Variants in TRMT6 observed in about 807,000 individuals in gnomAD.
TRMT6 encodes the protein tRNA (adenine(58)-N(1))-methyltransferase non-catalytic subunit TRM6.
TRMT6 carries 34 observed loss-of-function variants against 59.0 expected under a neutral mutation model. The ratio of observed to expected loss-of-function variants is 0.58; its 90% confidence interval spans 0.44 to 0.77. The LOEUF (loss-of-function observed/expected upper bound fraction) is 0.77, where lower values mean the gene tolerates loss of function less well. Among genes scored for constraint, TRMT6 ranks in the 30% least tolerant of loss-of-function variants. The pLI, the probability that TRMT6 is intolerant of heterozygous loss-of-function variation, is 0.00. For synonymous variants in TRMT6, 217 were observed against 210.5 expected, an observed-to-expected ratio of 1.03 and a Z score of -0.27; for missense variants, 575 against 604.5, an observed-to-expected ratio of 0.95 and a Z score of 0.51.
chr20:5,945,491 C>T (rs1042190937), intron 2 of TRMT6, among the ~76,000 whole-genome samples: 79 of 152,228 alleles, frequency 5.2e-4, no homozygotes, highest in African/African-American at 1.8e-3. Flanking sequence ...TTATTATCTT[C>T]ATAGCATGTG....
At chr20:5,946,237 C>T (rs2088705309) in intron 2 of TRMT6, among the ~76,000 whole-genome samples, 169 bp downstream of exon 2, 1 of 152,242 alleles carries the variant, frequency 6.6e-6, no homozygotes, top group Non-Finnish European at 1.5e-5. Context: ...CAGGTTATCT[C>T]ATGGCCAAAG....
chr20:5,940,573 T>C (rs1366256116), intron 10 of TRMT6, among the ~76,000 whole-genome samples: 1 of 152,228 alleles, frequency 6.6e-6, no homozygotes, highest in African/African-American at 2.4e-5. Context: ...GTAACAGCCA[T>C]GAGAAATCTC....
chr20:5,949,568 G>A (rs1307087469), intron 1 of TRMT6, among the ~76,000 whole-genome samples: 1 of 152,170 alleles, frequency 6.6e-6, no homozygotes, highest in African/African-American at 2.4e-5. Flanking sequence ...CTGAGGCCTT[G>A]AGCAAATTGC....
intron 1 of TRMT6, among the ~76,000 whole-genome samples, chr20:5,948,302 T>A (rs762559238): frequency 3.9e-4 from 60 of 152,116 alleles, no homozygotes; most frequent in Admixed American, 3.0e-3. Context: ...GGAGGCCACA[T>A]CTTTACTGGG....
intron 2 of TRMT6, among the ~76,000 whole-genome samples, 182 bp downstream of exon 2, chr20:5,946,224 A>G (rs2088705163): frequency 6.6e-6 from 1 of 152,220 alleles, no homozygotes. Flanking sequence ...TGGAGCCAGA[A>G]TCCAGGTTAT....
rs777521368 is a variant in TRMT6 at position 5,944,193 on chromosome 20, G to A, written c.427C>T (p.Gln143Ter). 1.3e-6 allele frequency: 2 copies of A among 1,556,998 alleles called. No individual in the cohort carries two copies. The highest frequency in any genetic ancestry group is 2.5e-5 in the South Asian group (2 of 79,694). The part of the protein sequence containing the change: ...TTFRDKTEFA[Q>*]DKYIKKKKKK... ...TTCTTCTTTTTAATATATTTATCTT[G>A]GGCAAATTCTGTCTTGTCTCGGAAT... is the stretch of plus-strand genomic sequence containing the variant. Residue 143 changes from glutamine to a stop codon, truncating the protein, a stop_gained, in exon 4 of 11, where the codon CAA becomes TAA. Transcript: ENST00000203001. LOFTEE classifies it high-confidence loss of function.
At position 5,941,324 on chromosome 20, in the gene TRMT6, G is replaced by A. The variant is rs375555179; in HGVS notation, c.1134C>T (p.Phe378=). 3.1e-6 allele frequency: 5 copies of A among 1,613,942 alleles called. No homozygotes were observed. In the African/African-American group the frequency reaches 6.7e-5, roughly 22 times the overall value. Residue 378 remains phenylalanine, a synonymous_variant, in exon 9 of 11, where the codon TTC becomes TTT. Coordinates refer to ENST00000203001, the MANE Select transcript of TRMT6 (RefSeq NM_015939.5). ...NADGLIVASR[F]HPTPLLLSLL... is the part of the protein sequence containing the mutation. Reference sequence around the variant, plus strand: ...AAGACAGCAGCAGGGGAGTGGGGTGGAAACGACTAGCTACAATTAAACTGT... The same window carrying A: ...AAGACAGCAGCAGGGGAGTGGGGTGAAAACGACTAGCTACAATTAAACTGT...
At chr20:5,944,600 C>T (rs2088688786) in intron 3 of TRMT6, among the ~76,000 whole-genome samples, 1 of 152,184 alleles carries the variant, frequency 6.6e-6, no homozygotes. Context: ...CTACCACTGA[C>T]ATTAGTAATG....
In TRMT6 at chr20:5,946,435, G is replaced by T. The variant is rs1225475969; in HGVS notation, c.227C>A (p.Pro76His). ...FEVTSGGSLQ[P>H]KKKREEPTAE... ...AGTAGGCTCTTCCCTCTTCTTCTTG[G>T]GCTGTAGACTTCCTCCACTGGTCAC... is the stretch of plus-strand genomic sequence containing the variant. Residue 76 changes from proline (P) to histidine (H), a missense_variant, in exon 2 of 11, where the codon CCC (proline) becomes CAC (histidine). Coordinates refer to ENST00000203001, the MANE Select transcript of TRMT6 (RefSeq NM_015939.5). The T allele has an allele frequency of 6.2e-7, 1 of 1,613,976 alleles. No homozygotes were observed. The highest frequency in any genetic ancestry group is 8.5e-7 in the Non-Finnish European group (1 of 1,180,004).
At chr20:5,943,807 G>A in intron 5 of TRMT6, 124 bp from the exon 6 acceptor site, 1 of 1,525,726 alleles carries the variant, frequency 6.6e-7, no homozygotes, top group South Asian at 1.3e-5. Flanking sequence ...TGCTTTGGAG[G>A]TGACAGTAAA....
At chr20:5,940,984 C>G in intron 10 of TRMT6, 69 bp downstream of exon 10, 2 of 1,188,972 alleles carry the variant, frequency 1.7e-6, no homozygotes, top group Non-Finnish European at 2.5e-6. Context: ...TTAATGACTT[C>G]TAGTACTACT....
Position 5,941,108 on chromosome 20 carries a change from T to C in TRMT6, c.1247A>G (p.Glu416Gly), listed in dbSNP as rs780823803. 6.2e-6 allele frequency: 10 copies of C among 1,614,196 alleles called. No individual in the cohort carries two copies. The Admixed American group carries it at 1.7e-4, about 27-fold the overall frequency. The change falls in exon 10 of 11, where the codon GAG becomes GGG. Residue 416 changes from glutamate to glycine, a missense_variant. Physicochemically the swap from Glu to Gly is moderately conservative, Grantham distance 98. Coordinates refer to ENST00000203001, the MANE Select transcript of TRMT6 (RefSeq NM_015939.5). ...PLLECYTKLRERGGVINLRLS... is the reference protein window; with the variant it reads ...PLLECYTKLRGRGGVINLRLS... ...CCTGAGGTTGATGACCCCTCCCCTC[T>C]CCCGCAGTTTTGTGTAGCATTCCAA...
chr20:5,943,912 C>A (rs748098115), intron 5 of TRMT6, 36 bp downstream of exon 5: 12 of 1,588,618 alleles, frequency 7.6e-6, no homozygotes, highest in Non-Finnish European at 1.7e-6. Context: ...AGACATATTT[C>A]CCCCAATTAT....
At chr20:5,950,213 C>T in intron 1 of TRMT6, 65 bp downstream of exon 1, 1 of 1,485,368 alleles carries the variant, frequency 6.7e-7, no homozygotes, top group Non-Finnish European at 9.1e-7. Flanking sequence ...TGTGGAGAAA[C>T]CTGGAGGGAG....
At chr20:5,941,436 T>C (rs1302659658) in intron 8 of TRMT6, 91 bp from the exon 9 acceptor site, 1 of 869,214 alleles carries the variant, frequency 1.2e-6, no homozygotes. Context: ...ATGTATTTAA[T>C]TTGCATGACT....
rs750982779 is a variant in TRMT6 at position 5,950,499 on chromosome 20, G to A, written c.-94C>T. ...TCACTTCCCACAACCTGGCGCACTAGGAGCCCTCCGACCGGCACCGCCCCC... is the reference window on the plus strand; with the variant it reads ...TCACTTCCCACAACCTGGCGCACTAAGAGCCCTCCGACCGGCACCGCCCCC... On this transcript the variant is annotated 5_prime_UTR_variant, in exon 1 of 11. Transcript: ENST00000203001. The A allele has an allele frequency of 3.6e-6, 5 of 1,397,450 alleles. No individual in the cohort carries two copies. The highest frequency in any genetic ancestry group is 4.7e-6 in the Non-Finnish European group (5 of 1,057,346). The allele number at this position is 1,397,450 out of a possible 1,614,324, so 86.6% of individuals were successfully genotyped here.
chr20:5,938,488 AAC>A lies in TRMT6; in HGVS notation c.*45_*46del, dbSNP rs1490009832. ...TAATGGCATTTAAAGTTTAATTACTAACTGTATAATGCCTGAGAACAAAATTC... is the reference window on the plus strand; with the variant it reads ...TAATGGCATTTAAAGTTTAATTACTATGTATAATGCCTGAGAACAAAATTC... On this transcript the variant is annotated 3_prime_UTR_variant, in exon 11 of 11. Coordinates refer to ENST00000203001, the MANE Select transcript of TRMT6 (RefSeq NM_015939.5). 3.9e-6 allele frequency: 6 copies of A among 1,548,896 alleles called. No homozygotes were observed. In the East Asian group the frequency reaches 1.4e-4, roughly 35 times the overall value.
intron 2 of TRMT6, among the ~76,000 whole-genome samples, chr20:5,946,137 T>C (rs1023996979): frequency 3.3e-5 from 5 of 152,236 alleles, no homozygotes; most frequent in Non-Finnish European, 5.9e-5. Flanking sequence ...CTTTACATTA[T>C]GTTCTTGCAA....
intron 1 of TRMT6, among the ~76,000 whole-genome samples, chr20:5,947,391 T>C (rs1023034164): frequency 3.9e-5 from 6 of 152,220 alleles, no homozygotes; most frequent in Admixed American, 3.9e-4. Flanking sequence ...TTCTCTTCCT[T>C]TCTCTGTGCC....
Sources: allele counts gnomAD v4.1 joint callset (sites outside exome capture counted in the v4.1 genomes callset), GRCh38; gene constraint gnomAD v4.1.1; transcripts MANE v1.5; gene names NCBI Gene and HGNC (gene_info 2026-07-23, HGNC 2026-07-21).